MMRN1: variants seen among roughly 807,000 people sequenced by gnomAD.
MMRN1 encodes multimerin-1.
In MMRN1, 94 loss-of-function variants were observed where a neutral mutation model predicts 100.7. The observed-to-expected ratio is 0.93, with a 90% confidence interval of 0.79 to 1.11. The LOEUF (loss-of-function observed/expected upper bound fraction) is 1.11. Ranked by LOEUF, MMRN1 falls within the 50% of genes least tolerant of loss-of-function variation. The pLI is 0.00. For synonymous variants in MMRN1, 575 were observed against 505.0 expected, an observed-to-expected ratio of 1.14 and a Z score of -1.86; for missense variants, 1,606 against 1,439.1, an observed-to-expected ratio of 1.12 and a Z score of -1.88.
chr4:89,938,476 CATATATATATATATATATATATATAT>C (rs372673572), intron 6 of MMRN1, among the ~76,000 whole-genome samples: 2 of 123,600 alleles, frequency 1.6e-5, no homozygotes, highest in Admixed American at 8.4e-5. Flanking sequence ...ATTTTTTAAA[CATATATATATATATATATATATATAT>C]ATATATATAT....
At chr4:89,896,704 G>T (rs1321190872) in intron 1 of MMRN1, among the ~76,000 whole-genome samples, 1 of 152,118 alleles carries the variant, frequency 6.6e-6, no homozygotes, top group Non-Finnish European at 1.5e-5. Context: ...AAGACATTTA[G>T]TTAAAGCTGT....
intron 7 of MMRN1, among the ~76,000 whole-genome samples, chr4:89,951,958 T>A (rs555029479): frequency 3.3e-5 from 5 of 152,320 alleles, no homozygotes; most frequent in East Asian, 1.9e-4. Context: ...CACATGCACC[T>A]GTTGAAATTT....
chr4:89,911,792 T>C (rs902542821), intron 2 of MMRN1, 152 bp from the exon 3 acceptor site: 16 of 547,464 alleles, frequency 2.9e-5, no homozygotes, highest in South Asian at 2.1e-4. Context: ...GGCAATAATA[T>C]TGATGATGAA....
chr4:89,927,381 G>A (rs1722295340), intron 4 of MMRN1, among the ~76,000 whole-genome samples: 1 of 151,978 alleles, frequency 6.6e-6, no homozygotes, highest in Admixed American at 6.6e-5. Flanking sequence ...TGTGGCTATT[G>A]TAAATGAGAT....
chr4:89,896,948 C>G (rs1428208811), intron 1 of MMRN1, among the ~76,000 whole-genome samples: 1 of 152,086 alleles, frequency 6.6e-6, no homozygotes, highest in African/African-American at 2.4e-5. Flanking sequence ...AATATGTTCA[C>G]TTTGGGACAA....
rs372131214 is a variant in MMRN1 at position 89,953,016 on chromosome 4, C to T, written c.3285C>T (p.Tyr1095=). The change falls in exon 8 of 8, where the codon TAC becomes TAT. Residue 1095 remains tyrosine (Y), a synonymous_variant. Transcript: ENST00000264790. The stretch of plus-strand genomic sequence containing the variant: ...TAACAGATTTTTCCAAAGGATCTTA[C>T]AGATATGCACCCATGGTGGCATTTT... The part of the protein sequence containing the change: ...ALAPDFSKGS[Y]RYAPMVAFFA... 1 of 1,588,072 alleles carries T rather than the reference C, an allele frequency of 6.3e-7. No homozygotes were observed. The highest frequency in any genetic ancestry group is 8.6e-7 in the Non-Finnish European group (1 of 1,167,754).
At chr4:89,885,971 G>C (rs908459015) in intron 1 of MMRN1, among the ~76,000 whole-genome samples, 1 of 151,174 alleles carries the variant, frequency 6.6e-6, no homozygotes, top group South Asian at 2.1e-4. Context: ...TAAAATGGAA[G>C]CATACCTCAA....
rs114038096 is a variant in MMRN1 at position 89,883,409 on chromosome 4, G to A, written c.-249+3807G>A. On this transcript the variant is annotated intron_variant, in intron 1 of 8. Transcript: ENST00000394980. ...TCCCATCCAACATTTGGTGCTATGAGGCTTTTTAAATTTTAGGTCTCTTAA... is the reference window on the plus strand; with the variant it reads ...TCCCATCCAACATTTGGTGCTATGAAGCTTTTTAAATTTTAGGTCTCTTAA... Among the ~76,000 whole-genome samples, 1,041 of 152,062 alleles carry A rather than the reference G, an allele frequency of 6.8e-3. 12 individuals are homozygous for A. The highest frequency in any genetic ancestry group is 0.024 in the African/African-American group (1,003 of 41,514).
chr4:89,952,944 A>C (rs199936907), intron 7 of MMRN1, 53 bp from the exon 8 acceptor site: 7 of 1,487,028 alleles, frequency 4.7e-6, no homozygotes, highest in Non-Finnish European at 5.4e-6. Context: ...ATAAGGAAAG[A>C]AAAATAAGAT....
chr4:89,911,873 A>G, intron 2 of MMRN1, 71 bp from the exon 3 acceptor site: 1 of 1,087,214 alleles, frequency 9.2e-7, no homozygotes, highest in South Asian at 1.4e-5. Flanking sequence ...AAAACTTTAC[A>G]TTTATTATTC....
chr4:89,945,498 A>G (rs1434086088), intron 6 of MMRN1, among the ~76,000 whole-genome samples: 1 of 152,164 alleles, frequency 6.6e-6, no homozygotes, highest in Non-Finnish European at 1.5e-5. Flanking sequence ...CATTGTCAAT[A>G]TCTTTCATGT....
At chr4:89,908,920 G>A (rs1721653297) in intron 1 of MMRN1, among the ~76,000 whole-genome samples, 1 of 151,274 alleles carries the variant, frequency 6.6e-6, no homozygotes, top group African/African-American at 2.4e-5. Context: ...ATAATTTAAA[G>A]TAATGGACCC....
chr4:89,888,065 T>A (rs1720975397), intron 1 of MMRN1, among the ~76,000 whole-genome samples: 1 of 151,716 alleles, frequency 6.6e-6, no homozygotes, highest in Admixed American at 6.6e-5. Flanking sequence ...AAAGATAATA[T>A]CAATTATCTA....
chr4:89,911,335 A>C (rs966957714), intron 2 of MMRN1, among the ~76,000 whole-genome samples: 1 of 151,360 alleles, frequency 6.6e-6, no homozygotes, highest in African/African-American at 2.4e-5. Flanking sequence ...TCATCTTAAA[A>C]ATAAAATTTC....
chr4:89,890,929 T>G (rs188164158), upstream of MMRN1, among the ~76,000 whole-genome samples: 31 of 152,158 alleles, frequency 2.0e-4, no homozygotes, highest in Non-Finnish European at 3.8e-4. Context: ...AAGAATTATA[T>G]AATTCATTAA....
chr4:89,934,360 G>T (rs1722535464), intron 5 of MMRN1, among the ~76,000 whole-genome samples: 1 of 151,892 alleles, frequency 6.6e-6, no homozygotes, highest in Admixed American at 6.6e-5. Flanking sequence ...GCTTTTATAA[G>T]CCCAAAGCAT....
chr4:89,895,229 A>G lies in MMRN1; in HGVS notation c.258A>G (p.Ser86=). Residue 86 remains serine, a synonymous_variant, in exon 1 of 8, where the codon TCA becomes TCG. Transcript: ENST00000264790. ...DSLLKSTLPP[S]ETSAPAEGVR... ...TTCTTAAATCAACACTGCCTCCCTC[A>G]GAAACAAGTGCACCTGCTGAGGGTG... The G allele has an allele frequency of 6.2e-7, 1 of 1,613,898 alleles. No homozygotes were observed. Among genetic ancestry groups the G allele is most frequent in the Non-Finnish European group, 8.5e-7 (1 of 1,179,936 alleles).
intron 2 of MMRN1, among the ~76,000 whole-genome samples, chr4:89,909,635 C>T (rs1721684248): frequency 6.6e-6 from 1 of 151,434 alleles, no homozygotes; most frequent in South Asian, 2.1e-4. Flanking sequence ...GCCTTATAAG[C>T]ATTCAATAAA....
chr4:89,951,807 G>A, intron 7 of MMRN1, 56 bp downstream of exon 7: 4 of 1,559,008 alleles, frequency 2.6e-6, no homozygotes, highest in Middle Eastern at 1.7e-4. Context: ...ATAGAAACAC[G>A]TTTTGAAAAT....
Sources: allele counts gnomAD v4.1 joint callset (sites outside exome capture counted in the v4.1 genomes callset), GRCh38; gene constraint gnomAD v4.1.1; transcripts MANE v1.5; gene names NCBI Gene and HGNC (gene_info 2026-07-23, HGNC 2026-07-21).